Variants in DNAH11 observed in about 807,000 individuals in gnomAD.
The protein encoded by DNAH11 is axonemal beta dynein heavy chain 11.
Under a neutral mutation model 526.0 loss-of-function variants are expected in DNAH11, and 442 were observed. That is an observed-to-expected ratio of 0.84 (90% CI 0.78 to 0.91). The LOEUF (loss-of-function observed/expected upper bound fraction) is 0.91. Ranked by LOEUF, DNAH11 falls within the 40% of genes least tolerant of loss-of-function variation. The pLI, the probability that DNAH11 is intolerant of heterozygous loss-of-function variation, is 0.00. For missense variants in DNAH11, 6,989 were observed against 5,448.7 expected, an observed-to-expected ratio of 1.28 and a Z score of -8.90; for synonymous variants, 2,461 against 1,935.9, an observed-to-expected ratio of 1.27 and a Z score of -7.12.
chr7:21,728,317 G>T (rs1393091844), intron 45 of DNAH11, among the ~76,000 whole-genome samples: 1 of 122,124 alleles, frequency 8.2e-6, no homozygotes, highest in Non-Finnish European at 1.6e-5. Context: ...GAGTGCAGTG[G>T]TGCAATCTTG....
rs184407566 is a variant in DNAH11 at position 21,758,360 on chromosome 7, G to C, written c.8941-7068G>C. Among the ~76,000 whole-genome samples the C allele has an allele frequency of 1.9e-4, 29 of 152,254 alleles. 1 individual carries two copies. The East Asian group carries it at 5.4e-3, about 28-fold the overall frequency. On this transcript the variant is annotated intron_variant, in intron 54 of 81. Transcript: ENST00000409508. ...AACAGCAAAACCTCAAAAGAATTAG[G>C]ATACAAATATCAATGTTTTATTTTA...
chr7:21,551,328 A>G (rs539546170), intron 2 of DNAH11, among the ~76,000 whole-genome samples: 1 of 152,274 alleles, frequency 6.6e-6, no homozygotes, highest in East Asian at 1.9e-4. Flanking sequence ...TGTAGGTTCT[A>G]TAGTGTTCCC....
chr7:21,864,452 T>G (rs970254233), intron 69 of DNAH11, 83 bp from the exon 70 acceptor site: 2 of 1,412,598 alleles, frequency 1.4e-6, no homozygotes. Flanking sequence ...TACTCAGTCA[T>G]GTCTGTTAAA....
At chr7:21,841,544 C>T (rs1189701456) in intron 65 of DNAH11, among the ~76,000 whole-genome samples, 1 of 152,064 alleles carries the variant, frequency 6.6e-6, no homozygotes, top group Non-Finnish European at 1.5e-5. Context: ...CTCCCATATC[C>T]CACAGCTGTG....
At chr7:21,675,059 C>T (rs1359191227) in intron 30 of DNAH11, among the ~76,000 whole-genome samples, 1 of 151,596 alleles carries the variant, frequency 6.6e-6, no homozygotes, top group Non-Finnish European at 1.5e-5. Flanking sequence ...GTAGCATCCT[C>T]CTCACAGGTC....
intron 40 of DNAH11, among the ~76,000 whole-genome samples, chr7:21,709,740 G>A (rs963534756): frequency 6.6e-6 from 1 of 152,076 alleles, no homozygotes; most frequent in African/African-American, 2.4e-5. Flanking sequence ...AATCGTATCT[G>A]TTTAGGCTGA....
chr7:21,621,285 C>T (rs1242279298), intron 25 of DNAH11, among the ~76,000 whole-genome samples: 1 of 152,200 alleles, frequency 6.6e-6, no homozygotes, highest in Non-Finnish European at 1.5e-5. Flanking sequence ...GAAGTTGACT[C>T]TCTGAATAGA....
Position 21,806,037 on chromosome 7 carries a change from A to T in DNAH11, c.10166-1846A>T, listed in dbSNP as rs182566635. ...TTAGAAATGGGTCACCCCAGCCAGG[A>T]TGACATTACAGGCAATCTATAATGC... On this transcript the variant is annotated intron_variant, in intron 62 of 81. Transcript: ENST00000409508. 2.4e-3 allele frequency among the ~76,000 whole-genome samples: 370 copies of T among 152,336 alleles called. 2 individuals are homozygous for T. The highest frequency in any genetic ancestry group is 8.5e-3 in the African/African-American group (353 of 41,592).
Position 21,702,711 on chromosome 7 carries a change from A to T in DNAH11, c.6182A>T (p.Asp2061Val). Residue 2061 changes from aspartate (D) to valine (V), a missense_variant and splice_region_variant, in exon 37 of 82, where the codon GAT becomes GTT. Physicochemically the swap from Asp to Val is radical, Grantham distance 152. Transcript: ENST00000409508. The part of the protein sequence containing the change: ...TLCKELLSKQ[D>V]HYDWGLRAIK... Reference sequence around the variant, plus strand: ...AAAATAAACCTGTTTTGATTTTAGGATCATTACGACTGGGGACTTCGTGCT... The same window carrying T: ...AAAATAAACCTGTTTTGATTTTAGGTTCATTACGACTGGGGACTTCGTGCT... The T allele has an allele frequency of 6.2e-7, 1 of 1,613,214 alleles. No homozygotes were observed. Among genetic ancestry groups the T allele is most frequent in the Admixed American group, 1.7e-5 (1 of 59,954 alleles).
rs143420522 is a variant in DNAH11 at position 21,828,063 on chromosome 7, C to G, written c.10691+9724C>G. Among the ~76,000 whole-genome samples the G allele has an allele frequency of 2.6e-5, 4 of 152,226 alleles. No individual in the cohort carries two copies. The East Asian group carries it at 5.8e-4, about 22-fold the overall frequency. On this transcript the variant is annotated intron_variant, in intron 65 of 81. Coordinates refer to ENST00000409508, the MANE Select transcript of DNAH11 (RefSeq NM_001277115.2). ...TCCCAAGTTCAAACAATTCCCCTGC[C>G]TCAGCCTCCCAAGTAGCTGAAACTA...
intron 74 of DNAH11, among the ~76,000 whole-genome samples, chr7:21,876,775 C>T (rs1025255074): frequency 3.9e-5 from 6 of 152,198 alleles, no homozygotes; most frequent in Admixed American, 6.5e-5. Context: ...AGGAAAAGGA[C>T]GGTGTTTGCT....
intron 66 of DNAH11, among the ~76,000 whole-genome samples, chr7:21,847,720 C>G (rs1479415213): frequency 6.6e-6 from 1 of 152,126 alleles, no homozygotes; most frequent in Non-Finnish European, 1.5e-5. Context: ...TATATCCTTG[C>G]TGATTTTTTG....
rs377388499 is a variant in DNAH11 at position 21,894,771 on chromosome 7, G to A, written c.12899G>A (p.Arg4300His). Reference sequence around the variant, plus strand: ...ATGAATATTCTCATTCGGGAAATACGTATATCACTTGAACAACTGGACCTT... The same window carrying A: ...ATGAATATTCTCATTCGGGAAATACATATATCACTTGAACAACTGGACCTT... Reference protein sequence around the residue: ...ERMNILIREIRISLEQLDLSL... With the variant: ...ERMNILIREIHISLEQLDLSL... Residue 4300 changes from arginine (R) to histidine (H), a missense_variant, in exon 78 of 82, where the codon CGT becomes CAT. Transcript: ENST00000409508. 2.8e-4 allele frequency: 444 copies of A among 1,611,818 alleles called. 4 individuals are homozygous for A. Among genetic ancestry groups the A allele is most frequent in the South Asian group, 2.2e-3 (200 of 90,752 alleles).
intron 63 of DNAH11, among the ~76,000 whole-genome samples, chr7:21,813,759 A>G (rs1404004691): frequency 1.3e-5 from 2 of 152,098 alleles, no homozygotes; most frequent in South Asian, 2.1e-4. Flanking sequence ...TGTTGACACT[A>G]CTTAATAGAG....
chr7:21,842,323 A>G (rs752289605), intron 65 of DNAH11, among the ~76,000 whole-genome samples: 12 of 152,182 alleles, frequency 7.9e-5, no homozygotes, highest in Non-Finnish European at 1.8e-4. Flanking sequence ...GAGTACTATT[A>G]TTGTCAATAT....
chr7:21,897,034 C>A (rs892576647), intron 79 of DNAH11, among the ~76,000 whole-genome samples: 2 of 152,118 alleles, frequency 1.3e-5, no homozygotes, highest in African/African-American at 4.8e-5. Context: ...ATGATCATGC[C>A]ACTGCATTCT....
intron 80 of DNAH11, 133 bp from the exon 81 acceptor site, chr7:21,899,847 G>T: frequency 9.0e-7 from 1 of 1,105,220 alleles, no homozygotes; most frequent in Non-Finnish European, 1.3e-6. Context: ...CCCTGCTCCA[G>T]CGCAGCCATG....
intron 57 of DNAH11, among the ~76,000 whole-genome samples, chr7:21,782,499 G>A (rs1787990623): frequency 6.6e-6 from 1 of 152,190 alleles, no homozygotes; most frequent in African/African-American, 2.4e-5. Flanking sequence ...CTGTTCATTT[G>A]TATAAGTGAG....
intron 56 of DNAH11, among the ~76,000 whole-genome samples, chr7:21,775,171 C>A (rs760130967): frequency 1.3e-5 from 2 of 152,154 alleles, no homozygotes; most frequent in Non-Finnish European, 2.9e-5. Flanking sequence ...GTGATCTGTA[C>A]TAATAGTGAG....
Sources: allele counts gnomAD v4.1 joint callset (sites outside exome capture counted in the v4.1 genomes callset), GRCh38; gene constraint gnomAD v4.1.1; transcripts MANE v1.5; gene names NCBI Gene and HGNC (gene_info 2026-07-23, HGNC 2026-07-21).